The following SLC16A12 variants were observed in gnomAD, a reference collection of about 807,000 sequenced individuals.
The protein encoded by SLC16A12 is monocarboxylate transporter 12.
In SLC16A12, 17 loss-of-function variants were observed where a neutral mutation model predicts 42.4. The ratio of observed to expected loss-of-function variants is 0.40; its 90% CI spans 0.27 to 0.60. The LOEUF (loss-of-function observed/expected upper bound fraction) is 0.60, where lower values mean the gene tolerates loss of function less well. Among genes scored for constraint, SLC16A12 ranks in the 20% least tolerant of loss-of-function variants. The pLI is 0.42. For synonymous variants in SLC16A12, 224 were observed against 229.4 expected, an observed-to-expected ratio of 0.98 and a Z score of 0.21; for missense variants, 544 against 623.0, an observed-to-expected ratio of 0.87 and a Z score of 1.35.
intron 2 of SLC16A12, among the ~76,000 whole-genome samples, chr10:89,499,486 G>C (rs946554543): frequency 1.2e-4 from 19 of 152,128 alleles, no homozygotes; most frequent in African/African-American, 4.6e-4. Flanking sequence ...CCTGGGAGGT[G>C]GAGGTTACGG....
chr10:89,524,849 G>T (rs1843423606), intron 2 of SLC16A12, among the ~76,000 whole-genome samples: 1 of 152,212 alleles, frequency 6.6e-6, no homozygotes, highest in Non-Finnish European at 1.5e-5. Context: ...TTTTTTGTTA[G>T]AGACTTTAAA....
intron 7 of SLC16A12, among the ~76,000 whole-genome samples, chr10:89,435,157 A>G (rs962544998): frequency 1.3e-5 from 2 of 152,198 alleles, no homozygotes; most frequent in African/African-American, 4.8e-5. Context: ...ATGATTCCCA[A>G]ATCTATATAT....
chr10:89,556,690 G>C (rs1331318936), upstream of SLC16A12: 1 of 152,368 alleles, frequency 6.6e-6, no homozygotes, highest in Non-Finnish European at 1.5e-5. Flanking sequence ...TGCACAGAGA[G>C]ACCAAGAAGA....
intron 2 of SLC16A12, among the ~76,000 whole-genome samples, chr10:89,488,112 G>GA (rs1842791356): frequency 6.6e-6 from 1 of 150,774 alleles, no homozygotes; most frequent in African/African-American, 2.4e-5. Flanking sequence ...TACATAGCCA[G>GA]AAAAAAGAGT....
intron 2 of SLC16A12, among the ~76,000 whole-genome samples, chr10:89,489,877 T>A (rs1280446976): frequency 6.6e-6 from 1 of 152,228 alleles, no homozygotes; most frequent in Non-Finnish European, 1.5e-5. Flanking sequence ...CCTAAAGATA[T>A]GTCTAATGTC....
chr10:89,537,558 A>T (rs780231397), upstream of SLC16A12, among the ~76,000 whole-genome samples: 1 of 152,216 alleles, frequency 6.6e-6, no homozygotes, highest in Non-Finnish European at 1.5e-5. Context: ...TTGTAAAAGA[A>T]TTCATTAGCA....
intron 2 of SLC16A12, among the ~76,000 whole-genome samples, chr10:89,552,580 T>A (rs12784228): frequency 6.6e-6 from 1 of 152,136 alleles, no homozygotes; most frequent in Non-Finnish European, 1.5e-5. Context: ...TTGTGGATGA[T>A]GAGAATTAGC....
chr10:89,553,949 C>T (rs1252535930), intron 2 of SLC16A12, among the ~76,000 whole-genome samples: 4 of 150,500 alleles, frequency 2.7e-5, no homozygotes, highest in Non-Finnish European at 5.9e-5. Context: ...GAGTCAAGAT[C>T]ATGCCACTGC....
intron 7 of SLC16A12, among the ~76,000 whole-genome samples, chr10:89,435,689 C>T (rs1389517898): frequency 6.6e-6 from 1 of 152,206 alleles, no homozygotes; most frequent in Non-Finnish European, 1.5e-5. Flanking sequence ...ATTTCAGCCT[C>T]ATCACCCACT....
intron 6 of SLC16A12, among the ~76,000 whole-genome samples, chr10:89,436,868 A>AAAAGAAAGAAGAAAG (rs1841800369): frequency 8.3e-6 from 1 of 120,428 alleles, no homozygotes; most frequent in Non-Finnish European, 1.7e-5. Context: ...GAAATAAAGA[A>AAAAGAAAGAAGAAAG]AAAGAAAGAA....
intron 2 of SLC16A12, among the ~76,000 whole-genome samples, chr10:89,486,573 C>A (rs1461876948): frequency 9.4e-6 from 1 of 106,564 alleles, no homozygotes; most frequent in Non-Finnish European, 1.8e-5. Flanking sequence ...GCCTAGGTGA[C>A]AGAGTGAAAC....
In SLC16A12 at chr10:89,552,620, C is replaced by T. The variant is rs374733673; in HGVS notation, c.-47+3262G>A. ...AGGTCCCTTCCAATTGCTTCTGGCT[C>T]TTCAATTCCAGCTAAGCCAATTCAA... On this transcript the variant is annotated intron_variant, in intron 2 of 2. Transcript: ENST00000475682. 2.2e-4 allele frequency among the ~76,000 whole-genome samples: 33 copies of T among 152,262 alleles called. 1 individual carries two copies. Among genetic ancestry groups the T allele is most frequent in the African/African-American group, 7.9e-4 (33 of 41,558 alleles).
intron 2 of SLC16A12, chr10:89,468,071 C>A (rs1169147790): frequency 1.3e-5 from 2 of 152,106 alleles, no homozygotes; most frequent in African/African-American, 4.8e-5. Flanking sequence ...AAGTTAAGAA[C>A]TGATTTGAGA....
intron 2 of SLC16A12, among the ~76,000 whole-genome samples, chr10:89,497,563 A>G (rs1842938491): frequency 6.6e-6 from 1 of 152,174 alleles, no homozygotes; most frequent in Non-Finnish European, 1.5e-5. Flanking sequence ...GGGAAACAGC[A>G]CTGTATTAGG....
At chr10:89,493,902 A>T (rs943946980) in intron 2 of SLC16A12, among the ~76,000 whole-genome samples, 1 of 151,864 alleles carries the variant, frequency 6.6e-6, no homozygotes, top group Non-Finnish European at 1.5e-5. Context: ...AGCAAACTAT[A>T]AAAAAAAATC....
chr10:89,545,612 A>G (rs1233811091), intron 2 of SLC16A12, among the ~76,000 whole-genome samples: 1 of 152,248 alleles, frequency 6.6e-6, no homozygotes, highest in African/African-American at 2.4e-5. Context: ...GGAAGAATCA[A>G]TATTGTGAAA....
intron 2 of SLC16A12, among the ~76,000 whole-genome samples, chr10:89,542,518 G>T (rs1449847909): frequency 6.6e-6 from 1 of 151,920 alleles, no homozygotes; most frequent in Non-Finnish European, 1.5e-5. Flanking sequence ...TGGCCAGGCT[G>T]GTCTTGAACA....
rs150125393 is a variant in SLC16A12, at chr10:89,449,096, C to T, written c.201-5237G>A. Among the ~76,000 whole-genome samples, 363 of 152,014 alleles carry T rather than the reference C, an allele frequency of 2.4e-3. 7 individuals carry two copies. The highest frequency in any genetic ancestry group is 1.1e-3 in the Non-Finnish European group (72 of 67,968). ...GGGAAAACTACAAACCACTGCTCAACGAAATAAAAGAGGACACAAACAAAT... is the reference window on the plus strand; with the variant it reads ...GGGAAAACTACAAACCACTGCTCAATGAAATAAAAGAGGACACAAACAAAT... On this transcript the variant is annotated intron_variant, in intron 3 of 7. Transcript: ENST00000371790.
At chr10:89,481,831 A>G (rs1169676822) in intron 2 of SLC16A12, among the ~76,000 whole-genome samples, 1 of 152,276 alleles carries the variant, frequency 6.6e-6, no homozygotes, top group East Asian at 1.9e-4. Flanking sequence ...CTTTAGGACA[A>G]CTGCACTACA....
Sources: gnomAD v4.1 joint callset for allele counts (sites outside exome capture counted in the v4.1 genomes callset) on GRCh38, gnomAD v4.1.1 for gene constraint, MANE v1.5 for transcripts, NCBI Gene and HGNC (gene_info 2026-07-23, HGNC 2026-07-21) for gene names.